ATP10D: variants seen among roughly 807,000 people sequenced by gnomAD.
ATP10D encodes phospholipid-transporting ATPase VD.
ATP10D carries 89 observed loss-of-function variants against 144.8 expected under a neutral mutation model. The ratio of observed to expected loss-of-function variants is 0.61; its 90% CI spans 0.52 to 0.73. The LOEUF (loss-of-function observed/expected upper bound fraction) is 0.73, where lower values mean the gene tolerates loss of function less well. Ranked by LOEUF, ATP10D falls within the 30% of genes least tolerant of loss-of-function variation. ATP10D has a pLI of 0.00. For synonymous variants in ATP10D, 571 were observed against 615.1 expected (o/e 0.93, Z 1.06); for missense variants, 1,603 against 1,714.8 (o/e 0.93, Z 1.15).
chr4:47,527,413 A>G (rs563851438), intron 5 of ATP10D, among the ~76,000 whole-genome samples: 1 of 152,244 alleles, frequency 6.6e-6, no homozygotes, highest in Admixed American at 6.5e-5. Flanking sequence ...TAGATACAAC[A>G]CCAAAATCAC....
At chr4:47,520,413 T>G (rs1241794444) in intron 3 of ATP10D, among the ~76,000 whole-genome samples, 1 of 152,176 alleles carries the variant, frequency 6.6e-6, no homozygotes, top group African/African-American at 2.4e-5. Context: ...CCTTGCCTTC[T>G]GCATTGGCTT....
intron 5 of ATP10D, among the ~76,000 whole-genome samples, chr4:47,532,626 TC>T (rs1717624957): frequency 6.6e-6 from 1 of 152,226 alleles, no homozygotes; most frequent in Non-Finnish European, 1.5e-5. Flanking sequence ...CTTATTCTTT[TC>T]CTGCTTTGTG....
At chr4:47,564,890 A>C (rs761344334) in intron 15 of ATP10D, among the ~76,000 whole-genome samples, 1 of 152,100 alleles carries the variant, frequency 6.6e-6, no homozygotes, top group Admixed American at 6.5e-5. Context: ...AATCTTGTGG[A>C]GCTTTTCTTC....
rs763134802 is a variant in ATP10D, at chr4:47,591,304, G to A, written c.4204G>A (p.Glu1402Lys). Residue 1402 changes from glutamate (E) to lysine (K), a missense_variant, in exon 23 of 23, where the codon GAA (glutamate) becomes AAA (lysine). Transcript: ENST00000273859. ...AIEQGNLSLC[E>K]TALDQGYSET... ...TGAGCAAGGAAACTTATCTCTGTGTGAAACTGCTTTAGATCAAGGCTACTC... is the reference window on the plus strand; with the variant it reads ...TGAGCAAGGAAACTTATCTCTGTGTAAAACTGCTTTAGATCAAGGCTACTC... The A allele has an allele frequency of 4.3e-6, 7 of 1,612,632 alleles. No homozygotes were observed. The highest frequency in any genetic ancestry group is 5.9e-6 in the Non-Finnish European group (7 of 1,178,776).
rs745864353 is a variant in ATP10D, at chr4:47,536,547, A to G, written c.1126A>G (p.Met376Val). The G allele has an allele frequency of 1.2e-6, 2 of 1,612,770 alleles. No homozygotes were observed. The highest frequency in any genetic ancestry group is 1.7e-6 in the Non-Finnish European group (2 of 1,179,492). ...LLAGFYMFWT[M>V]IILLQVLIPI... ...GGCAGGATTTTATATGTTTTGGACC[A>G]TGATCATTTTGTTACAGGTAATTTT... is the stretch of plus-strand genomic sequence containing the variant. The change falls in exon 8 of 23, where the codon ATG (methionine) becomes GTG (valine). Residue 376 changes from methionine (M) to valine (V), a missense_variant. Physicochemically the swap from Met to Val is conservative, Grantham distance 21. Coordinates refer to ENST00000273859, the MANE Select transcript of ATP10D (RefSeq NM_020453.4).
At chr4:47,511,272 A>G (rs1218637788) in intron 1 of ATP10D, among the ~76,000 whole-genome samples, 1 of 150,682 alleles carries the variant, frequency 6.6e-6, no homozygotes, top group African/African-American at 2.4e-5. Context: ...AGAGGCCAAA[A>G]TCCAAAAGAA....
chr4:47,536,467 A>C lies in ATP10D; in HGVS notation c.1046A>C (p.Lys349Thr). 2 of 1,613,642 alleles carry C rather than the reference A, an allele frequency of 1.2e-6. 1 individual carries two copies. The highest frequency in any genetic ancestry group is 2.2e-5 in the South Asian group (2 of 91,046). Residue 349 changes from lysine (K) to threonine (T), a missense_variant, in exon 8 of 23, where the codon AAG (lysine) becomes ACG (threonine). Lys to Thr is a moderately conservative substitution (Grantham distance 78). Coordinates refer to ENST00000273859, the MANE Select transcript of ATP10D (RefSeq NM_020453.4). Reference protein sequence around the residue: ...GHGIWLSRYEKMHFFNVPEPD... With the variant: ...GHGIWLSRYETMHFFNVPEPD... ...GGAATCTGGCTGAGCAGGTATGAAA[A>C]GATGCATTTTTTCAATGTTCCCGAG...
chr4:47,570,643 C>T (rs1269945368), intron 16 of ATP10D, among the ~76,000 whole-genome samples: 1 of 151,836 alleles, frequency 6.6e-6, no homozygotes, highest in Non-Finnish European at 1.5e-5. Flanking sequence ...ACCTCTACTA[C>T]AAACACGAAA....
intron 18 of ATP10D, among the ~76,000 whole-genome samples, chr4:47,573,507 A>T (rs1720073162): frequency 6.6e-6 from 1 of 152,214 alleles, no homozygotes; most frequent in African/African-American, 2.4e-5. Context: ...AACCTATAAA[A>T]TGTATTTGTG....
chr4:47,519,802 C>T (rs1219172008), intron 3 of ATP10D, among the ~76,000 whole-genome samples: 1 of 152,150 alleles, frequency 6.6e-6, no homozygotes, highest in Non-Finnish European at 1.5e-5. Context: ...TAGGAAATTG[C>T]TGTTTGTGTC....
chr4:47,536,406 A>G (rs1717847193), intron 7 of ATP10D, 31 bp from the exon 8 acceptor site: 1 of 1,606,426 alleles, frequency 6.2e-7, no homozygotes, highest in Admixed American at 1.7e-5. Context: ...TATATTTAGC[A>G]TCCTTTTGAT....
intron 1 of ATP10D, chr4:47,491,094 G>A: frequency 1.4e-6 from 1 of 730,706 alleles, no homozygotes; most frequent in South Asian, 1.4e-5. Flanking sequence ...GTTGAACCCA[G>A]GTACTTTTCT....
At chr4:47,492,825 C>T (rs188171386) in intron 1 of ATP10D, among the ~76,000 whole-genome samples, 4 of 152,248 alleles carry the variant, frequency 2.6e-5, no homozygotes, top group African/African-American at 9.6e-5. Context: ...TATCTATCTT[C>T]ATCACATATC....
At chr4:47,558,778 CT>C in intron 12 of ATP10D, 144 bp from the exon 13 acceptor site, 1 of 655,194 alleles carries the variant, frequency 1.5e-6, no homozygotes, top group Non-Finnish European at 2.6e-6. Flanking sequence ...TGAGTGGTCC[CT>C]TTTACAGATA....
chr4:47,547,659 C>G (rs1268175275), intron 10 of ATP10D: 2 of 149,152 alleles, frequency 1.3e-5, no homozygotes, highest in Non-Finnish European at 1.5e-5. Flanking sequence ...TAGGTGACAA[C>G]AAGAATAAAC....
At chr4:47,536,980 C>CT in intron 9 of ATP10D, 42 bp downstream of exon 9, 1 of 1,553,012 alleles carries the variant, frequency 6.4e-7, no homozygotes, top group South Asian at 1.2e-5. Flanking sequence ...TAGCATTGGT[C>CT]TTTTTTTGAA....
intron 5 of ATP10D, among the ~76,000 whole-genome samples, chr4:47,532,712 T>C (rs1480871436): frequency 6.6e-6 from 1 of 152,202 alleles, no homozygotes; most frequent in Non-Finnish European, 1.5e-5. Flanking sequence ...TTGATCTTCA[T>C]GCTCTAAGGT....
chr4:47,505,411 T>C (rs1312158123), intron 1 of ATP10D, among the ~76,000 whole-genome samples: 1 of 152,138 alleles, frequency 6.6e-6, no homozygotes, highest in Admixed American at 6.5e-5. Flanking sequence ...CCAGACCTGC[T>C]AGATCAGAAA....
intron 1 of ATP10D, among the ~76,000 whole-genome samples, chr4:47,491,812 C>T (rs1715096858): frequency 1.3e-5 from 2 of 152,150 alleles, no homozygotes; most frequent in Admixed American, 1.3e-4. Context: ...AGCCTTTCCT[C>T]TTCTTCCTTT....
Sources: gnomAD v4.1 joint callset for allele counts (sites outside exome capture counted in the v4.1 genomes callset) on GRCh38, gnomAD v4.1.1 for gene constraint, MANE v1.5 for transcripts, NCBI Gene and HGNC (gene_info 2026-07-23, HGNC 2026-07-21) for gene names.